Variants in TUSC3 observed in about 807,000 individuals in gnomAD.
The protein encoded by TUSC3 is tumor suppressor candidate 3.
A neutral mutation model predicts 44.8 loss-of-function variants in TUSC3; 45 were observed. The observed-to-expected ratio is 1.00, with a 90% CI of 0.79 to 1.29. TUSC3 has a LOEUF of 1.29. Among genes scored for constraint, TUSC3 ranks in the 50% most tolerant of loss-of-function variants. TUSC3 has a pLI of 0.00. For missense variants in TUSC3, 519 were observed against 437.9 expected (o/e 1.19, Z -1.65); for synonymous variants, 212 against 152.9 (o/e 1.39, Z -2.85).
intron 1 of TUSC3, among the ~76,000 whole-genome samples, chr8:15,466,511 A>T (rs1182911859): frequency 1.4e-4 from 21 of 152,204 alleles, no homozygotes; most frequent in Non-Finnish European, 2.6e-4. Flanking sequence ...GCTTATTTTT[A>T]AAGTTAAATT....
intron 1 of TUSC3, among the ~76,000 whole-genome samples, chr8:15,548,893 T>C (rs536428990): frequency 2.8e-4 from 43 of 151,930 alleles, no homozygotes; most frequent in African/African-American, 9.6e-4. Flanking sequence ...TCCCTGATCC[T>C]TGAATCTCAG....
chr8:15,555,166 G>GCA (rs1802205990), intron 1 of TUSC3, among the ~76,000 whole-genome samples: 1 of 137,706 alleles, frequency 7.3e-6, no homozygotes, highest in Admixed American at 7.4e-5. Context: ...TTTTTTTGGG[G>GCA]GGGACGAGAT....
At chr8:15,540,709 T>A (rs1479532470) in intron 1 of TUSC3, 141 bp downstream of exon 1, 24 of 1,168,432 alleles carry the variant, frequency 2.1e-5, no homozygotes, top group Non-Finnish European at 2.7e-5. Context: ...GCCGCGAGGG[T>A]GGGAGGCCCT....
chr8:15,767,334 A>C (rs2721230), downstream of TUSC3, among the ~76,000 whole-genome samples: 1 of 151,726 alleles, frequency 6.6e-6, no homozygotes, highest in Admixed American at 6.6e-5. Context: ...ATTTACCCAA[A>C]TGTGGATACA....
At chr8:15,453,357 A>G (rs1313627171) in intron 1 of TUSC3, among the ~76,000 whole-genome samples, 1 of 152,160 alleles carries the variant, frequency 6.6e-6, no homozygotes, top group Non-Finnish European at 1.5e-5. Flanking sequence ...TTCAATGTTC[A>G]TTTACTGTAG....
At chr8:15,658,798 G>A (rs893267112) in intron 3 of TUSC3, among the ~76,000 whole-genome samples, 1 of 151,700 alleles carries the variant, frequency 6.6e-6, no homozygotes, top group African/African-American at 2.4e-5. Context: ...AATAAGCACC[G>A]TTTATACGAG....
chr8:15,811,385 C>T, the TUSC3 span, among the ~76,000 whole-genome samples: 2 of 152,190 alleles, frequency 1.3e-5, no homozygotes, highest in Non-Finnish European at 2.9e-5. Flanking sequence ...AAAATTCCTT[C>T]ACGATCATAA....
intron 2 of TUSC3, among the ~76,000 whole-genome samples, chr8:15,626,551 A>C (rs1403816589): frequency 6.6e-6 from 1 of 152,194 alleles, no homozygotes; most frequent in African/African-American, 2.4e-5. Flanking sequence ...TCCTGGGCGC[A>C]GCTGCAACTG....
At chr8:15,711,299 T>C (rs976127339) in intron 6 of TUSC3, among the ~76,000 whole-genome samples, 1 of 151,842 alleles carries the variant, frequency 6.6e-6, no homozygotes. Flanking sequence ...ATTTCTTCAT[T>C]AGGCATAGAA....
At chr8:15,505,266 A>T (rs1801037066) in intron 2 of TUSC3, among the ~76,000 whole-genome samples, 2 of 152,338 alleles carry the variant, frequency 1.3e-5, no homozygotes, top group Non-Finnish European at 1.5e-5. Context: ...AGGCTTTGTC[A>T]ATAAGTTAAA....
intron 1 of TUSC3, among the ~76,000 whole-genome samples, chr8:15,610,784 A>T (rs1804729639): frequency 6.6e-6 from 1 of 152,160 alleles, no homozygotes; most frequent in Non-Finnish European, 1.5e-5. Flanking sequence ...CAGTAGAGGT[A>T]TAGGGAGGGC....
chr8:15,548,266 A>G (rs1563283504), intron 1 of TUSC3, among the ~76,000 whole-genome samples: 1 of 151,820 alleles, frequency 6.6e-6, no homozygotes, highest in Admixed American at 6.6e-5. Flanking sequence ...CTGACAGTAG[A>G]TTGGTTTGGT....
At chr8:15,453,216 C>G (rs1051910486) in intron 1 of TUSC3, among the ~76,000 whole-genome samples, 4 of 151,456 alleles carry the variant, frequency 2.6e-5, no homozygotes, top group African/African-American at 9.7e-5. Context: ...GTCCATATGA[C>G]TTCACATTAG....
chr8:15,704,513 T>C (rs949519661), intron 6 of TUSC3, among the ~76,000 whole-genome samples: 11 of 152,124 alleles, frequency 7.2e-5, no homozygotes, highest in Non-Finnish European at 1.5e-4. Flanking sequence ...AAATCACTTA[T>C]TTTTGAGAAA....
chr8:15,480,472 A>G lies in TUSC3; in HGVS notation n.92-2914A>G, dbSNP rs1001835656. On this transcript the variant is annotated intron_variant and non_coding_transcript_variant, in intron 1 of 5. Coordinates refer to the TUSC3 transcript ENST00000503191. The stretch of plus-strand genomic sequence containing the variant: ...GATATGTACTTTCTCACAGGCCAGA[A>G]GTCCTACATCAAGTACAACTTCTAG... Among the ~76,000 whole-genome samples the G allele has an allele frequency of 2.0e-5, 3 of 152,362 alleles. No homozygotes were observed. In the South Asian group the frequency reaches 6.2e-4, roughly 32 times the overall value.
intron 2 of TUSC3, among the ~76,000 whole-genome samples, chr8:15,497,933 G>C (rs937063071): frequency 6.6e-6 from 1 of 151,898 alleles, no homozygotes; most frequent in Non-Finnish European, 1.5e-5. Flanking sequence ...ATTTTTACTA[G>C]AGATGGGGTT....
chr8:15,432,704 C>T (rs1799886411), intron 1 of TUSC3, among the ~76,000 whole-genome samples: 1 of 152,040 alleles, frequency 6.6e-6, no homozygotes, highest in Non-Finnish European at 1.5e-5. Context: ...GAGTATGCAC[C>T]TCCGAACTGT....
chr8:15,664,437 T>TTTATTATTATTA (rs56049201), intron 5 of TUSC3, among the ~76,000 whole-genome samples: 94 of 143,882 alleles, frequency 6.5e-4, no homozygotes, highest in East Asian at 2.2e-3. Flanking sequence ...GTTATACAGA[T>TTTATTATTATTA]TTATTATTAT....
intron 7 of TUSC3, among the ~76,000 whole-genome samples, chr8:15,731,081 TAAA>T (rs2129208323): frequency 6.6e-6 from 1 of 152,150 alleles, no homozygotes; most frequent in Non-Finnish European, 1.5e-5. Flanking sequence ...AATAGCAGCT[TAAA>T]AAAGGTATTT....
Sources: allele counts gnomAD v4.1 joint callset (sites outside exome capture counted in the v4.1 genomes callset), GRCh38; gene constraint gnomAD v4.1.1; transcripts MANE v1.5; gene names NCBI Gene and HGNC (gene_info 2026-07-23, HGNC 2026-07-21).